ZCCHC4: variants seen among roughly 807,000 people sequenced by gnomAD.
ZCCHC4 encodes the protein rRNA N(6)-adenosine-methyltransferase ZCCHC4.
A neutral mutation model predicts 67.7 loss-of-function variants in ZCCHC4; 54 were observed. That is an observed-to-expected ratio of 0.80 (90% CI 0.64 to 1.00). The LOEUF (loss-of-function observed/expected upper bound fraction) is 1.00. Among genes scored for constraint, ZCCHC4 ranks in the 50% least tolerant of loss-of-function variants. The probability of loss-of-function intolerance (pLI) is 0.00; values close to 1 mark genes in which losing one functional copy is unlikely to be tolerated. For missense variants in ZCCHC4, 609 were observed against 617.0 expected (o/e 0.99, Z 0.14); for synonymous variants, 198 against 213.5 (o/e 0.93, Z 0.63).
At chr4:25,360,594 A>C (rs1429268730) in intron 8 of ZCCHC4, among the ~76,000 whole-genome samples, 1 of 152,196 alleles carries the variant, frequency 6.6e-6, no homozygotes, top group African/African-American at 2.4e-5. Context: ...CAATCCCCCA[A>C]ACTGGGACAG....
intron 5 of ZCCHC4, 21 bp downstream of exon 5, chr4:25,334,009 ATTTCC>A (rs1320245302): frequency 9.1e-6 from 13 of 1,434,400 alleles, no homozygotes; most frequent in Non-Finnish European, 1.2e-5. Context: ...AAAATACAGT[ATTTCC>A]TTTCATTGTC....
chr4:25,364,448 TGGTAG>T lies in ZCCHC4; in HGVS notation c.1210-4_1210del. On this transcript the variant is annotated splice_acceptor_variant and splice_polypyrimidine_tract_variant and intron_variant, in intron 10 of 12. Coordinates refer to ENST00000302874, the MANE Select transcript of ZCCHC4 (RefSeq NM_024936.3). LOFTEE classifies it high-confidence loss of function. ...ATAATTTAAAAATTGTTTTTTTTTT[TGGTAG>T]GATGGCAGGAAATGGAACCATTGCT... 6.6e-7 allele frequency: 1 copy of T among 1,507,396 alleles called. No individual in the cohort carries two copies. The allele number at this position is 1,507,396 out of a possible 1,614,324, so 93.4% of individuals were successfully genotyped here. A position where few individuals can be genotyped will look rare whatever the true frequency, so the allele number is the denominator to read the frequency against.
chr4:25,313,067 C>G, intron 1 of ZCCHC4, 131 bp downstream of exon 1: 1 of 1,323,118 alleles, frequency 7.6e-7, no homozygotes, highest in Non-Finnish European at 1.0e-6. Context: ...GAAAATACTC[C>G]TTCCTCGGAA....
At chr4:25,324,014 G>GGTTTTTTTTTTTTTTTTTTTTTTTT (rs777768505) in intron 3 of ZCCHC4, among the ~76,000 whole-genome samples, 3 of 82,448 alleles carry the variant, frequency 3.6e-5, no homozygotes, top group Admixed American at 1.7e-4. Context: ...TGTTTTTTGT[G>GGTTTTTTTTTTTTTTTTTTTTTTTT]TTTTTTTTTT....
intron 8 of ZCCHC4, chr4:25,352,058 G>C: frequency 4.0e-6 from 4 of 997,054 alleles, no homozygotes; most frequent in Non-Finnish European, 4.8e-6. Flanking sequence ...TATGAACGTT[G>C]GTTTCCTCTT....
intron 4 of ZCCHC4, 99 bp downstream of exon 4, chr4:25,333,557 T>C: frequency 3.1e-6 from 4 of 1,302,046 alleles, no homozygotes; most frequent in Non-Finnish European, 2.1e-6. Context: ...AGGTATAGCA[T>C]GAAGCTTTGA....
intron 10 of ZCCHC4, 36 bp from the exon 11 acceptor site, chr4:25,364,413 CAAATT>C (rs1560418183): frequency 1.5e-6 from 2 of 1,362,436 alleles, no homozygotes; most frequent in South Asian, 1.6e-5. Flanking sequence ...TTTTTAATAA[CAAATT>C]AATTATAATT....
At position 25,333,384 on chromosome 4, in the gene ZCCHC4, T is replaced by C. The variant is rs768828751; in HGVS notation, c.531T>C (p.Asp177=). The change falls in exon 4 of 13, where the codon GAT becomes GAC. Residue 177 remains aspartate, a synonymous_variant. Coordinates refer to ENST00000302874, the MANE Select transcript of ZCCHC4 (RefSeq NM_024936.3). ...KKTNAQYLFA[D]RSCQFLVDLL... The stretch of plus-strand genomic sequence containing the variant: ...CAAATGCCCAGTATCTGTTTGCTGA[T>C]CGGAGCTGTCAGTTCTTGGTAGACT... The C allele has an allele frequency of 5.0e-6, 8 of 1,614,186 alleles. No individual in the cohort carries two copies. The highest frequency in any genetic ancestry group is 1.7e-4 in the Middle Eastern group (1 of 6,060).
intron 3 of ZCCHC4, among the ~76,000 whole-genome samples, chr4:25,315,628 C>G (rs1718217580): frequency 6.6e-6 from 1 of 152,060 alleles, no homozygotes; most frequent in Non-Finnish European, 1.5e-5. Flanking sequence ...TTTCATCACT[C>G]CAAACAGAAA....
intron 5 of ZCCHC4, among the ~76,000 whole-genome samples, chr4:25,345,303 CAT>C (rs1380069169): frequency 1.3e-5 from 2 of 152,134 alleles, no homozygotes; most frequent in South Asian, 4.1e-4. Context: ...TACATAGGAA[CAT>C]GTGTGTTTTA....
At position 25,349,495 on chromosome 4, in the gene ZCCHC4, G is replaced by T. The variant is rs1720182379; in HGVS notation, c.763G>T (p.Ala255Ser). ...AATGAATTTTTATTTGTTCCAGACT[G>T]CCCTTGAAGTATGCAGAGCATTTTT... ...FNHHFFDGKT[A>S]LEVCRAFLQE... is the part of the protein sequence containing the mutation. Residue 255 changes from alanine to serine, a missense_variant, in exon 7 of 13, where the codon GCC (alanine) becomes TCC (serine). Ala to Ser is a moderately conservative substitution (Grantham distance 99, BLOSUM62 1). Transcript: ENST00000302874. The T allele has an allele frequency of 1.2e-6, 2 of 1,613,528 alleles. No homozygotes were observed. Among genetic ancestry groups the T allele is most frequent in the Non-Finnish European group, 1.7e-6 (2 of 1,179,704 alleles).
chr4:25,313,920 G>T, intron 1 of ZCCHC4, 126 bp from the exon 2 acceptor site: 1 of 645,968 alleles, frequency 1.5e-6, no homozygotes, highest in South Asian at 2.2e-5. Flanking sequence ...CAAAGAGATG[G>T]ATTTAATTAT....
Position 25,312,904 on chromosome 4 carries a change from A to G in ZCCHC4, c.95A>G (p.Asp32Gly), listed in dbSNP as rs1577716754. 1 of 1,612,620 alleles carries G rather than the reference A, an allele frequency of 6.2e-7. No individual in the cohort carries two copies. The highest frequency in any genetic ancestry group is 8.5e-7 in the Non-Finnish European group (1 of 1,179,952). ...GGAATGGAGGTGGTGCTTCCTTTGGATCCTGCCGTCCCCGCCCCGCTGTGC... is the reference window on the plus strand; with the variant it reads ...GGAATGGAGGTGGTGCTTCCTTTGGGTCCTGCCGTCCCCGCCCCGCTGTGC... The part of the protein sequence containing the change: ...SSGMEVVLPL[D>G]PAVPAPLCPH... The change falls in exon 1 of 13, where the codon GAT (aspartate) becomes GGT (glycine). Residue 32 changes from aspartate (D) to glycine (G), a missense_variant. Asp to Gly is a moderately conservative substitution (Grantham distance 94). Coordinates refer to ENST00000302874, the MANE Select transcript of ZCCHC4 (RefSeq NM_024936.3).
intron 10 of ZCCHC4, among the ~76,000 whole-genome samples, chr4:25,364,122 A>T (rs2067097187): frequency 6.6e-6 from 1 of 152,226 alleles, no homozygotes; most frequent in African/African-American, 2.4e-5. Context: ...AGACACACAA[A>T]ATTATGAATC....
At chr4:25,314,230 G>A (rs1718127089) in intron 2 of ZCCHC4, 66 bp downstream of exon 2, 2 of 1,017,328 alleles carry the variant, frequency 2.0e-6, no homozygotes, top group Admixed American at 2.1e-5. Flanking sequence ...TTGAGAACGT[G>A]TAAACCAATA....
rs966832651 is a variant in ZCCHC4 at position 25,351,470 on chromosome 4, G to A, written c.911-119G>A. On this transcript the variant is annotated intron_variant, in intron 7 of 12. Transcript: ENST00000302874. ...ACTCTGGTAAATATTTTCTGTTTTTGTATGAGATTTAAATGTGTTGAATCA... is the reference window on the plus strand; with the variant it reads ...ACTCTGGTAAATATTTTCTGTTTTTATATGAGATTTAAATGTGTTGAATCA... 7.5e-6 allele frequency: 5 copies of A among 663,116 alleles called. No homozygotes were observed. The African/African-American group carries it at 9.2e-5, about 12-fold the overall frequency. The allele number at this position is 663,116 out of a possible 1,614,324, so 41.1% of individuals were successfully genotyped here. A position where few individuals can be genotyped will look rare whatever the true frequency, so the allele number is the denominator to read the frequency against.
rs148790004 is a variant in ZCCHC4, at chr4:25,314,408, G to A, written c.246+244G>A. ...CTCTCTGAGGTGGTAATATTGGGTG[G>A]GGCTGATCTTCTGTGTGTTAGCTTG... On this transcript the variant is annotated intron_variant, in intron 2 of 12. Coordinates refer to ENST00000302874, the MANE Select transcript of ZCCHC4 (RefSeq NM_024936.3). 7.7e-3 allele frequency among the ~76,000 whole-genome samples: 1,173 copies of A among 152,256 alleles called. 20 individuals carry two copies. Among genetic ancestry groups the A allele is most frequent in the South Asian group, 0.053 (253 of 4,810 alleles).
intron 12 of ZCCHC4, chr4:25,365,991 A>G (rs1470247167): frequency 2.1e-6 from 2 of 973,396 alleles, no homozygotes; most frequent in East Asian, 2.4e-4. Flanking sequence ...TTGACATTAT[A>G]TGAAATTATA....
rs568420883 is a variant in ZCCHC4, at chr4:25,344,324, A to G, written c.687-1224A>G. 2.3e-3 allele frequency among the ~76,000 whole-genome samples: 350 copies of G among 152,066 alleles called. 4 individuals carry two copies. The highest frequency in any genetic ancestry group is 5.7e-3 in the African/African-American group (235 of 41,468). On this transcript the variant is annotated intron_variant, in intron 5 of 12. Transcript: ENST00000302874. The stretch of plus-strand genomic sequence containing the variant: ...GTTCATGTCCTTTGTAGGGACATGG[A>G]TGAAATTGGAAATCATTCTCAGTAA...
Sources: allele counts gnomAD v4.1 joint callset (sites outside exome capture counted in the v4.1 genomes callset), GRCh38; gene constraint gnomAD v4.1.1; transcripts MANE v1.5; gene names NCBI Gene and HGNC (gene_info 2026-07-23, HGNC 2026-07-21).